FSTL4: variants seen among roughly 807,000 people sequenced by gnomAD.
The protein encoded by FSTL4 is follistatin-related protein 4.
A neutral mutation model predicts 78.2 loss-of-function variants in FSTL4; 28 were observed. That is an observed-to-expected ratio of 0.36 (90% CI 0.27 to 0.49). The LOEUF (loss-of-function observed/expected upper bound fraction) is 0.49, where lower values mean the gene tolerates loss of function less well. Ranked by LOEUF, FSTL4 falls within the 20% of genes least tolerant of loss-of-function variation. The pLI, the probability that FSTL4 is intolerant of heterozygous loss-of-function variation, is 0.98. For missense variants in FSTL4, 922 were observed against 1,084.9 expected (o/e 0.85, Z 2.11); for synonymous variants, 422 against 440.5 (o/e 0.96, Z 0.53).
At chr5:133,372,293 T>A (rs909355645) in intron 4 of FSTL4, among the ~76,000 whole-genome samples, 1 of 118,318 alleles carries the variant, frequency 8.5e-6, no homozygotes, top group African/African-American at 2.7e-5. Flanking sequence ...ATCTATTTTT[T>A]AAAATTTATT....
the FSTL4 span, among the ~76,000 whole-genome samples, chr5:133,791,305 C>CACAT: frequency 1.3e-5 from 2 of 151,830 alleles, no homozygotes; most frequent in South Asian, 4.2e-4. Flanking sequence ...CACACACACA[C>CACAT]AGTTCCCATC....
chr5:133,284,295 C>T (rs1014897201), intron 6 of FSTL4, among the ~76,000 whole-genome samples: 1 of 152,212 alleles, frequency 6.6e-6, no homozygotes, highest in African/African-American at 2.4e-5. Context: ...GTCCATGCTC[C>T]CAGGTCAGAC....
intron 3 of FSTL4, among the ~76,000 whole-genome samples, chr5:133,499,369 T>TACATAC (rs1758439686): frequency 7.9e-6 from 1 of 126,694 alleles, no homozygotes; most frequent in Admixed American, 7.7e-5. Context: ...ACAAGGGGAA[T>TACATAC]ACACACACAC....
At chr5:133,567,857 G>C (rs193146963) in intron 2 of FSTL4, among the ~76,000 whole-genome samples, 1 of 152,186 alleles carries the variant, frequency 6.6e-6, no homozygotes. Flanking sequence ...TGTTTCAGAA[G>C]TTACCCAGGT....
intron 4 of FSTL4, among the ~76,000 whole-genome samples, chr5:133,347,217 C>T (rs544530000): frequency 3.3e-4 from 51 of 152,270 alleles, no homozygotes; most frequent in African/African-American, 1.2e-3. Context: ...CTGTGTAGGT[C>T]TCTGTCTCTT....
intron 2 of FSTL4, among the ~76,000 whole-genome samples, chr5:133,579,133 G>A (rs187263559): frequency 4.3e-4 from 66 of 152,300 alleles, no homozygotes; most frequent in Middle Eastern, 3.4e-3. Context: ...CAAAAGCAAT[G>A]GTCATACTGG....
intron 3 of FSTL4, among the ~76,000 whole-genome samples, chr5:133,492,142 GT>G (rs988344637): frequency 6.6e-6 from 1 of 152,050 alleles, no homozygotes; most frequent in African/African-American, 2.4e-5. Context: ...AACGCCTAAA[GT>G]TTTTTAAGGC....
intron 3 of FSTL4, among the ~76,000 whole-genome samples, chr5:133,481,900 T>C (rs1463254762): frequency 6.6e-6 from 1 of 152,220 alleles, no homozygotes; most frequent in Non-Finnish European, 1.5e-5. Flanking sequence ...AAGGCATTCA[T>C]ACCCCAACAA....
chr5:133,546,943 C>G (rs1275470585), intron 3 of FSTL4, among the ~76,000 whole-genome samples: 1 of 152,180 alleles, frequency 6.6e-6, no homozygotes, highest in Non-Finnish European at 1.5e-5. Flanking sequence ...TTCCTCCCCC[C>G]AGATTTCAAA....
chr5:133,757,675 A>G, the FSTL4 span, among the ~76,000 whole-genome samples: 4 of 152,184 alleles, frequency 2.6e-5, no homozygotes, highest in Non-Finnish European at 4.4e-5. Context: ...AGGAGTGAGT[A>G]GAAGGAGCTG....
At chr5:133,371,799 G>C (rs979168142) in intron 4 of FSTL4, among the ~76,000 whole-genome samples, 1 of 152,232 alleles carries the variant, frequency 6.6e-6, no homozygotes, top group South Asian at 2.1e-4. Flanking sequence ...TATGAACACT[G>C]TCTGTTAGAG....
chr5:133,685,549 T>C, the FSTL4 span, among the ~76,000 whole-genome samples: 3 of 152,214 alleles, frequency 2.0e-5, no homozygotes, highest in Non-Finnish European at 4.4e-5. Context: ...GCTGCATTCA[T>C]GTGAGGGATG....
chr5:133,742,042 T>C, the FSTL4 span, among the ~76,000 whole-genome samples: 5 of 152,188 alleles, frequency 3.3e-5, no homozygotes, highest in Admixed American at 2.0e-4. Context: ...CAGAGGGAAA[T>C]GCAAACGTGG....
intron 4 of FSTL4, among the ~76,000 whole-genome samples, chr5:133,334,953 A>G (rs1754430939): frequency 6.6e-6 from 1 of 152,148 alleles, no homozygotes; most frequent in Non-Finnish European, 1.5e-5. Flanking sequence ...GGGGATCCCC[A>G]CTGCCCCAGG....
chr5:133,224,048 C>T, intron 11 of FSTL4, 142 bp downstream of exon 11: 1 of 598,672 alleles, frequency 1.7e-6, no homozygotes. Context: ...AATGCATATG[C>T]CACTTGAATT....
In FSTL4 at chr5:133,426,457, T is replaced by C. The variant is rs1258195253; in HGVS notation, c.161-25471A>G. Among the ~76,000 whole-genome samples, 1 of 152,182 alleles carries C rather than the reference T, an allele frequency of 6.6e-6. No homozygotes were observed. The highest frequency in any genetic ancestry group is 1.5e-5 in the Non-Finnish European group (1 of 68,028). On this transcript the variant is annotated intron_variant, in intron 3 of 15. Transcript: ENST00000265342. The surrounding 1 kb of genome is among the most constrained non-coding windows in gnomAD (Gnocchi z 5.0). ...CCCTCCGCACTCCCTAATTGGAGAATGTCATGAAGTTGGTCTCCAGACAGA... is the reference window on the plus strand; with the variant it reads ...CCCTCCGCACTCCCTAATTGGAGAACGTCATGAAGTTGGTCTCCAGACAGA...
intron 8 of FSTL4, among the ~76,000 whole-genome samples, chr5:133,232,819 C>T (rs1158894126): frequency 6.6e-6 from 1 of 152,200 alleles, no homozygotes; most frequent in East Asian, 1.9e-4. Context: ...ACCCTGGCTA[C>T]TGTCATCAGG....
intron 6 of FSTL4, among the ~76,000 whole-genome samples, chr5:133,308,420 T>A (rs1179185098): frequency 2.0e-5 from 3 of 152,204 alleles, no homozygotes; most frequent in African/African-American, 4.8e-5. Flanking sequence ...CAAAGCAGTA[T>A]CCTTGCCATC....
intron 7 of FSTL4, among the ~76,000 whole-genome samples, chr5:133,245,059 G>A (rs2126817318): frequency 6.6e-6 from 1 of 151,084 alleles, no homozygotes; most frequent in East Asian, 2.0e-4. Context: ...GGTCGAGGCT[G>A]CAGTGAGCCA....
Sources: allele counts gnomAD v4.1 joint callset (sites outside exome capture counted in the v4.1 genomes callset), GRCh38; gene constraint gnomAD v4.1.1; non-coding constraint Gnocchi (gnomAD v3.1); transcripts MANE v1.5; gene names NCBI Gene and HGNC (gene_info 2026-07-23, HGNC 2026-07-21).